Variants in OSBP observed in about 807,000 individuals in gnomAD.
OSBP encodes oxysterol-binding protein 1.
A neutral mutation model predicts 96.6 loss-of-function variants in OSBP; 32 were observed. The ratio of observed to expected loss-of-function variants is 0.33; its 90% CI spans 0.25 to 0.45. The LOEUF is 0.45. OSBP is among the 20% of genes least tolerant of loss of function. The probability of loss-of-function intolerance (pLI) is 1.00; values close to 1 mark genes in which losing one functional copy is unlikely to be tolerated. For synonymous variants in OSBP, 369 were observed against 389.6 expected, an observed-to-expected ratio of 0.95 and a Z score of 0.62; for missense variants, 653 against 1,029.7, an observed-to-expected ratio of 0.63 and a Z score of 5.01.
rs1401418921 is a variant in OSBP, at chr11:59,600,893, A to G, written c.1125-20T>C. ...GTACGTCTGTACAGATGGGAAACAC[A>G]GGAGAATTAGAACAAAGACCAGAAC... is the stretch of plus-strand genomic sequence containing the variant. On this transcript the variant is annotated intron_variant, in intron 5 of 13. Transcript: ENST00000263847. The G allele has an allele frequency of 1.9e-6, 3 of 1,608,408 alleles. No homozygotes were observed. The highest frequency in any genetic ancestry group is 1.7e-6 in the Non-Finnish European group (2 of 1,174,864).
At chr11:59,612,439 T>C (rs1013347923) in intron 1 of OSBP, among the ~76,000 whole-genome samples, 2 of 152,190 alleles carry the variant, frequency 1.3e-5, no homozygotes, top group African/African-American at 2.4e-5. Context: ...TTCCTCCTTA[T>C]TGGAGCTTTT....
rs8280 is a variant in OSBP, at chr11:59,574,705, T to C, written c.*1872A>G. ...CTCCTTGAAAGAAGCCTTGACATAATCCCTGGCTTATTTTGGGAATAAGGT... is the reference window on the plus strand; with the variant it reads ...CTCCTTGAAAGAAGCCTTGACATAACCCCTGGCTTATTTTGGGAATAAGGT... On this transcript the variant is annotated 3_prime_UTR_variant, in exon 14 of 14. Coordinates refer to ENST00000263847, the MANE Select transcript of OSBP (RefSeq NM_002556.3). The C allele has an allele frequency of 0.17, 26,059 of 152,414 alleles. 4,081 individuals are homozygous for C. Among genetic ancestry groups the C allele is most frequent in the African/African-American group, 0.41 (17,095 of 41,404 alleles). 9.4% of individuals were successfully genotyped at this position (152,414 alleles called of 1,614,324 possible). A position where few individuals can be genotyped will look rare whatever the true frequency, so the allele number is the denominator to read the frequency against.
At chr11:59,580,397 G>A in intron 10 of OSBP, 128 bp from the exon 11 acceptor site, 1 of 671,256 alleles carries the variant, frequency 1.5e-6, no homozygotes, top group Non-Finnish European at 2.6e-6. Context: ...TCAGATCTTA[G>A]CTAGCCTTGG....
intron 9 of OSBP, among the ~76,000 whole-genome samples, chr11:59,583,244 G>A (rs1273239343): frequency 2.0e-5 from 3 of 152,026 alleles, no homozygotes; most frequent in Admixed American, 6.6e-5. Context: ...CCCAGGAGGC[G>A]GAGGTTGCAG....
intron 1 of OSBP, among the ~76,000 whole-genome samples, chr11:59,612,774 G>A (rs1368396165): frequency 6.6e-6 from 1 of 152,212 alleles, no homozygotes; most frequent in African/African-American, 2.4e-5. Context: ...AGCTGAAATA[G>A]TAATTCAATC....
chr11:59,595,967 ATAAAT>A (rs1375499540), intron 7 of OSBP, among the ~76,000 whole-genome samples: 8 of 149,560 alleles, frequency 5.3e-5, no homozygotes, highest in Non-Finnish European at 8.9e-5. Flanking sequence ...AAATAAATAA[ATAAAT>A]AAATAAATAA....
Position 59,580,191 on chromosome 11 carries a change from G to A in OSBP, c.1861C>T (p.Arg621Trp). The change falls in exon 11 of 14, where the codon CGG (arginine) becomes TGG (tryptophan). Residue 621 changes from arginine to tryptophan, a missense_variant. Coordinates refer to ENST00000263847, the MANE Select transcript of OSBP (RefSeq NM_002556.3). ...LKFVPYSYFSRDVARKVTGEV... is the reference protein window; with the variant it reads ...LKFVPYSYFSWDVARKVTGEV... ...TCCCTTACCTTTCTTGCTACATCCC[G>A]AGAGAAGTAGCTATAAGGAACAAAT... The A allele has an allele frequency of 1.2e-6, 2 of 1,605,602 alleles. No homozygotes were observed. The highest frequency in any genetic ancestry group is 1.7e-6 in the Non-Finnish European group (2 of 1,172,546).
chr11:59,575,149 C>T lies in OSBP; in HGVS notation c.*1428G>A, dbSNP rs1860346052. ...GAAGAAAGTTCTTTTGGAATTCAGC[C>T]TATGCGCCGGACAGAGCAGAATTAA... On this transcript the variant is annotated 3_prime_UTR_variant, in exon 14 of 14. Transcript: ENST00000263847. 6.6e-6 allele frequency: 1 copy of T among 152,230 alleles called. No individual in the cohort carries two copies. Among genetic ancestry groups the T allele is most frequent in the Admixed American group, 6.5e-5 (1 of 15,286 alleles). 9.4% of individuals were successfully genotyped at this position (152,230 alleles called of 1,614,324 possible). A position where few individuals can be genotyped will look rare whatever the true frequency, so the allele number is the denominator to read the frequency against.
rs1554979385 is a variant in OSBP, at chr11:59,583,660, T to TC, written c.1679-2107dup. Among the ~76,000 whole-genome samples the TC allele has an allele frequency of 1.2e-3, 155 of 129,178 alleles. 1 individual carries two copies. Among genetic ancestry groups the TC allele is most frequent in the African/African-American group, 3.4e-3 (94 of 27,286 alleles). The allele number at this position is 129,178 out of a possible 152,430, so 84.7% of individuals were successfully genotyped here. A position where few individuals can be genotyped will look rare whatever the true frequency, so the allele number is the denominator to read the frequency against. ...TTTTTTTTTTTTTTTTTTTTTTTTTTCGAGATGGAGTCTTGCTCTGTCACC... is the reference window on the plus strand; with the variant it reads ...TTTTTTTTTTTTTTTTTTTTTTTTTTCCGAGATGGAGTCTTGCTCTGTCACC... On this transcript the variant is annotated intron_variant, in intron 9 of 13. Coordinates refer to ENST00000263847, the MANE Select transcript of OSBP (RefSeq NM_002556.3).
At chr11:59,592,633 C>G (rs906782233) in intron 9 of OSBP, among the ~76,000 whole-genome samples, 1 of 152,160 alleles carries the variant, frequency 6.6e-6, no homozygotes, top group African/African-American at 2.4e-5. Context: ...CATGGTTGCT[C>G]TAGTTCAAGA....
At chr11:59,589,131 A>G (rs755386755) in intron 9 of OSBP, among the ~76,000 whole-genome samples, 43 of 151,468 alleles carry the variant, frequency 2.8e-4, no homozygotes, top group African/African-American at 9.7e-4. Flanking sequence ...TGAAAGCAAA[A>G]GACTGCCAAA....
At position 59,612,190 on chromosome 11, in the gene OSBP, A is replaced by G. The variant is rs1355378192; in HGVS notation, c.363-1601T>C. On this transcript the variant is annotated intron_variant, in intron 1 of 13. Transcript: ENST00000263847. Reference sequence around the variant, plus strand: ...GTTTGTTGTTCAATTTTTCACATGAACTGCTCTTCCTTCCTCAAATAGTAT... The same window carrying G: ...GTTTGTTGTTCAATTTTTCACATGAGCTGCTCTTCCTTCCTCAAATAGTAT... Among the ~76,000 whole-genome samples the G allele has an allele frequency of 2.0e-5, 3 of 152,264 alleles. No homozygotes were observed. In the East Asian group the frequency reaches 5.8e-4, roughly 29 times the overall value.
chr11:59,579,089 G>A (rs959265448), intron 11 of OSBP, among the ~76,000 whole-genome samples: 3 of 151,992 alleles, frequency 2.0e-5, no homozygotes, highest in African/African-American at 7.3e-5. Flanking sequence ...TTGTATCAAA[G>A]ATACACGTAG....
intron 7 of OSBP, among the ~76,000 whole-genome samples, chr11:59,597,012 G>A (rs143277894): frequency 2.0e-5 from 3 of 152,238 alleles, no homozygotes; most frequent in African/African-American, 7.2e-5. Flanking sequence ...AGATCAATAA[G>A]GAACTAATGG....
chr11:59,585,165 G>A (rs1006421239), intron 9 of OSBP, among the ~76,000 whole-genome samples: 10 of 151,232 alleles, frequency 6.6e-5, no homozygotes, highest in Non-Finnish European at 1.0e-4. Context: ...GTCTCTGCCC[G>A]GCCGCCATCC....
chr11:59,591,989 G>A (rs992185192), intron 9 of OSBP, among the ~76,000 whole-genome samples: 45 of 152,138 alleles, frequency 3.0e-4, no homozygotes, highest in African/African-American at 9.9e-4. Context: ...ATGGCTGACT[G>A]TACCTAACCA....
At chr11:59,577,801 C>A (rs1373617249) in intron 12 of OSBP, among the ~76,000 whole-genome samples, 1 of 152,188 alleles carries the variant, frequency 6.6e-6, no homozygotes, top group Admixed American at 6.5e-5. Flanking sequence ...GCTGATGGGC[C>A]TTTAGGCTAA....
chr11:59,585,910 G>T (rs1860494120), intron 9 of OSBP, among the ~76,000 whole-genome samples: 1 of 152,150 alleles, frequency 6.6e-6, no homozygotes, highest in Admixed American at 6.5e-5. Context: ...GTCCACTCAG[G>T]GTTAAATGGA....
chr11:59,577,492 T>G (rs574802862), intron 12 of OSBP, among the ~76,000 whole-genome samples: 1 of 152,278 alleles, frequency 6.6e-6, no homozygotes, highest in South Asian at 2.1e-4. Flanking sequence ...TTTTTTTCTT[T>G]TTCTTATTTA....
Sources: allele counts gnomAD v4.1 joint callset (sites outside exome capture counted in the v4.1 genomes callset), GRCh38; gene constraint gnomAD v4.1.1; transcripts MANE v1.5; gene names NCBI Gene and HGNC (gene_info 2026-07-23, HGNC 2026-07-21).